Variants in METTL6 observed in about 807,000 individuals in gnomAD.
METTL6 encodes tRNA N(3)-cytidine methyltransferase METTL6.
METTL6 carries 22 observed loss-of-function variants against 26.4 expected under a neutral mutation model. The ratio of observed to expected loss-of-function variants is 0.83; its 90% CI spans 0.59 to 1.19. The LOEUF (loss-of-function observed/expected upper bound fraction) is 1.19. Ranked by LOEUF, METTL6 falls within the 50% of genes most tolerant of loss-of-function variation. The pLI is 0.00. For synonymous variants in METTL6, 109 were observed against 116.2 expected (o/e 0.94, Z 0.40); for missense variants, 304 against 324.8 (o/e 0.94, Z 0.49).
At chr3:15,412,298 CA>C (rs1384197643) in intron 5 of METTL6, among the ~76,000 whole-genome samples, 1 of 152,094 alleles carries the variant, frequency 6.6e-6, no homozygotes, top group Admixed American at 6.6e-5. Flanking sequence ...TTAAATGAAA[CA>C]AACAGAATAA....
chr3:15,425,066 C>T lies in METTL6; in HGVS notation c.249G>A (p.Met83Ile). ...TTCCAACCCCACAGCCAGCTTCAAG[C>T]ATTGTTAACTTTTGATCTTCAAACT... ...CREFEDQKLT[M>I]LEAGCGVGNC... Residue 83 changes from methionine to isoleucine, a missense_variant, in exon 3 of 6, where the codon ATG becomes ATA. Physicochemically the swap from Met to Ile is conservative, Grantham distance 10. Coordinates refer to ENST00000383790, the MANE Select transcript of METTL6 (RefSeq NM_152396.4). 1 of 1,614,130 alleles carries T rather than the reference C, an allele frequency of 6.2e-7. No individual in the cohort carries two copies. Among genetic ancestry groups the T allele is most frequent in the East Asian group, 2.2e-5 (1 of 44,872 alleles).
At chr3:15,409,623 G>C (rs755091028), downstream of METTL6, among the ~76,000 whole-genome samples, 2 of 152,136 alleles carry the variant, frequency 1.3e-5, no homozygotes, top group African/African-American at 4.8e-5. Flanking sequence ...CATCTTCTCC[G>C]AGAAACAGCA....
intron 6 of METTL6, among the ~76,000 whole-genome samples, chr3:15,394,570 GTTCTT>G (rs1278283547): frequency 6.6e-6 from 1 of 152,064 alleles, no homozygotes; most frequent in Non-Finnish European, 1.5e-5. Flanking sequence ...TGCTTCTCTA[GTTCTT>G]TTAATTGTGA....
Position 15,411,440 on chromosome 3 carries a change from G to A in METTL6, c.674-3C>T. On this transcript the variant is annotated splice_region_variant and splice_polypyrimidine_tract_variant and intron_variant, in intron 5 of 5. Coordinates refer to ENST00000383790, the MANE Select transcript of METTL6 (RefSeq NM_152396.4). ...CATAAAGAGCTGAGCCAGGAAGTCTGTAAGACAAGCATCAACAATGCTCAA... is the reference window on the plus strand; with the variant it reads ...CATAAAGAGCTGAGCCAGGAAGTCTATAAGACAAGCATCAACAATGCTCAA... 1 of 1,612,550 alleles carries A rather than the reference G, an allele frequency of 6.2e-7. No individual in the cohort carries two copies. The highest frequency in any genetic ancestry group is 8.5e-7 in the Non-Finnish European group (1 of 1,179,446).
At chr3:15,382,196 T>C (rs913306274) in exon 7 of METTL6, 2 of 152,090 alleles carry the variant, frequency 1.3e-5, no homozygotes, top group African/African-American at 4.8e-5. Context: ...ATTATAGGCA[T>C]GAGCATCTGT....
intron 6 of METTL6, among the ~76,000 whole-genome samples, chr3:15,387,870 T>C (rs1409250758): frequency 6.6e-6 from 1 of 151,572 alleles, no homozygotes; most frequent in Non-Finnish European, 1.5e-5. Flanking sequence ...TGGAGTGCAA[T>C]GGTGTGGTCA....
intron 6 of METTL6, among the ~76,000 whole-genome samples, chr3:15,393,166 A>G (rs1385615030): frequency 6.6e-6 from 1 of 152,116 alleles, no homozygotes; most frequent in Non-Finnish European, 1.5e-5. Context: ...ATCCTCTTCT[A>G]TTACATTGAG....
chr3:15,395,728 G>A (rs1370016152), intron 6 of METTL6, among the ~76,000 whole-genome samples: 2 of 152,044 alleles, frequency 1.3e-5, no homozygotes, highest in East Asian at 3.9e-4. Flanking sequence ...TTGCTTGTCT[G>A]TATTTTATTT....
chr3:15,422,653 A>T (rs1413020446), intron 3 of METTL6, among the ~76,000 whole-genome samples: 3 of 151,358 alleles, frequency 2.0e-5, no homozygotes, highest in African/African-American at 7.3e-5. Flanking sequence ...AGATTAACTT[A>T]AAAAAAAAGT....
chr3:15,384,730 A>C (rs1349343820), intron 6 of METTL6, among the ~76,000 whole-genome samples: 1 of 151,998 alleles, frequency 6.6e-6, no homozygotes, highest in African/African-American at 2.4e-5. Context: ...AGACACTTCA[A>C]CTCTAGAAGA....
At chr3:15,386,423 A>C (rs1231966509) in intron 6 of METTL6, among the ~76,000 whole-genome samples, 1 of 152,154 alleles carries the variant, frequency 6.6e-6, no homozygotes, top group Admixed American at 6.5e-5. Context: ...GAGTTTATTA[A>C]AAAGTTTTAG....
rs191022592 is a variant in METTL6, at chr3:15,402,849, G to A, written c.*11+8396C>T. Among the ~76,000 whole-genome samples the A allele has an allele frequency of 1.6e-3, 247 of 151,804 alleles. 2 individuals carry two copies. The highest frequency in any genetic ancestry group is 4.7e-3 in the Admixed American group (72 of 15,268). ...TGATGTTATTGCAGGAGTAATTGGG[G>A]AATTGCGAATCTTGTGGCTAATTTA... On this transcript the variant is annotated intron_variant, in intron 6 of 6. Transcript: ENST00000443029.
chr3:15,392,980 G>T (rs1699390186), intron 6 of METTL6, among the ~76,000 whole-genome samples: 1 of 152,146 alleles, frequency 6.6e-6, no homozygotes, highest in Non-Finnish European at 1.5e-5. Flanking sequence ...GGCAATGCGG[G>T]CTCTTTTTTA....
intron 3 of METTL6, among the ~76,000 whole-genome samples, chr3:15,419,897 T>C (rs1452076993): frequency 6.7e-6 from 1 of 149,972 alleles, no homozygotes; most frequent in African/African-American, 2.5e-5. Flanking sequence ...AGTCTCGCTC[T>C]ATCACCCAGG....
At chr3:15,394,835 T>C (rs1239542808) in intron 6 of METTL6, among the ~76,000 whole-genome samples, 4 of 152,244 alleles carry the variant, frequency 2.6e-5, no homozygotes, top group Non-Finnish European at 4.4e-5. Context: ...AATCCTGAGT[T>C]CTAGTTTGAT....
chr3:15,407,068 G>A (rs919336933), downstream of METTL6, among the ~76,000 whole-genome samples: 8 of 152,106 alleles, frequency 5.3e-5, no homozygotes, highest in Non-Finnish European at 1.0e-4. Flanking sequence ...CCAAGCTGGA[G>A]TGCAGTGGCA....
At chr3:15,421,530 A>G (rs1014634935) in intron 3 of METTL6, among the ~76,000 whole-genome samples, 4 of 152,204 alleles carry the variant, frequency 2.6e-5, no homozygotes, top group Non-Finnish European at 5.9e-5. Context: ...TGGCATGATC[A>G]TAGCTCATGC....
At chr3:15,424,096 C>T (rs1204350699) in intron 3 of METTL6, among the ~76,000 whole-genome samples, 5 of 152,032 alleles carry the variant, frequency 3.3e-5, no homozygotes, top group Non-Finnish European at 5.9e-5. Flanking sequence ...GAAAGAATCG[C>T]TTAAGCCCAG....
rs768108502 is a variant in METTL6, at chr3:15,414,174, A to G, written c.532-12T>C. On this transcript the variant is annotated splice_polypyrimidine_tract_variant and intron_variant, in intron 4 of 5. Transcript: ENST00000383790. Reference sequence around the variant, plus strand: ...CCTGGTTTTAATACCTATGAAACAAAAGCAGGCTGAACATGACTTTGGAGA... The same window carrying G: ...CCTGGTTTTAATACCTATGAAACAAGAGCAGGCTGAACATGACTTTGGAGA... 25 of 1,600,624 alleles carry G rather than the reference A, an allele frequency of 1.6e-5. No individual in the cohort carries two copies. The highest frequency in any genetic ancestry group is 2.1e-5 in the Non-Finnish European group (25 of 1,175,724).
Sources: allele counts gnomAD v4.1 joint callset (sites outside exome capture counted in the v4.1 genomes callset), GRCh38; gene constraint gnomAD v4.1.1; transcripts MANE v1.5; gene names NCBI Gene and HGNC (gene_info 2026-07-23, HGNC 2026-07-21).